The following PSTPIP1 variants were observed in gnomAD, a reference collection of about 807,000 sequenced individuals.
The protein encoded by PSTPIP1 is proline-serine-threonine phosphatase-interacting protein 1.
PSTPIP1 carries 66 observed loss-of-function variants against 69.6 expected under a neutral mutation model. The ratio of observed to expected loss-of-function variants is 0.95; its 90% CI spans 0.78 to 1.16. PSTPIP1 has a LOEUF of 1.16. PSTPIP1 is among the 50% of genes most tolerant of loss of function. The pLI is 0.00. For synonymous variants in PSTPIP1, 266 were observed against 222.7 expected (o/e 1.19, Z -1.73); for missense variants, 603 against 557.4 (o/e 1.08, Z -0.82).
rs140796422 is a variant in PSTPIP1, at chr15:77,005,792, T to C, written c.36+10183T>C. 2.9e-3 allele frequency among the ~76,000 whole-genome samples: 437 copies of C among 152,364 alleles called. 1 individual carries two copies. Among genetic ancestry groups the C allele is most frequent in the Non-Finnish European group, 3.7e-3 (254 of 68,034 alleles). ...TCAGTTAGCATAATGTCTTCAAGGCTCATCCATGTCATAGCATATGTCAGA... is the reference window on the plus strand; with the variant it reads ...TCAGTTAGCATAATGTCTTCAAGGCCCATCCATGTCATAGCATATGTCAGA... On this transcript the variant is annotated intron_variant, in intron 1 of 14. Coordinates refer to ENST00000558012, the MANE Select transcript of PSTPIP1 (RefSeq NM_003978.5).
Position 77,009,921 on chromosome 15 carries a change from C to T in PSTPIP1, c.37-8227C>T, listed in dbSNP as rs1029964167. Among the ~76,000 whole-genome samples, 6 of 152,206 alleles carry T rather than the reference C, an allele frequency of 3.9e-5. No individual in the cohort carries two copies. The South Asian group carries it at 1.2e-3, about 31-fold the overall frequency. On this transcript the variant is annotated intron_variant, in intron 1 of 14. Coordinates refer to ENST00000558012, the MANE Select transcript of PSTPIP1 (RefSeq NM_003978.5). Reference sequence around the variant, plus strand: ...GCCTGGGGACGGGGATGTGCAATGACAGTGCCTGGACCACTGGTGCCCCTG... The same window carrying T: ...GCCTGGGGACGGGGATGTGCAATGATAGTGCCTGGACCACTGGTGCCCCTG...
chr15:77,021,495 A>G (rs978229841), intron 3 of PSTPIP1, among the ~76,000 whole-genome samples: 1 of 152,122 alleles, frequency 6.6e-6, no homozygotes, highest in Admixed American at 6.5e-5. Context: ...CCTGGCCAAC[A>G]TGGTGAAACC....
In PSTPIP1 at chr15:77,031,606, G is replaced by C. The variant is rs568804023; in HGVS notation, c.741+328G>C. 5.8e-4 allele frequency: 166 copies of C among 284,912 alleles called. 1 individual carries two copies. The highest frequency in any genetic ancestry group is 1.7e-3 in the Admixed American group (38 of 21,848). 17.6% of individuals were successfully genotyped at this position (284,912 alleles called of 1,614,324 possible). A position where few individuals can be genotyped will look rare whatever the true frequency, so the allele number is the denominator to read the frequency against. On this transcript the variant is annotated intron_variant, in intron 10 of 14. Coordinates refer to ENST00000558012, the MANE Select transcript of PSTPIP1 (RefSeq NM_003978.5). ...ACACAGCTGTCAGAGGTTGGCAGAA[G>C]CTGGAGGACCGTGGCTGCTCTGCTC...
At chr15:77,026,703 A>G (rs933132702) in intron 5 of PSTPIP1, among the ~76,000 whole-genome samples, 5 of 152,198 alleles carry the variant, frequency 3.3e-5, no homozygotes, top group Admixed American at 3.3e-4. Flanking sequence ...CTGGGCTTTC[A>G]GGATTCTAAA....
chr15:77,028,530 A>G lies in PSTPIP1; in HGVS notation c.418-24A>G. The stretch of plus-strand genomic sequence containing the variant: ...ACAGAACAGGGCTGTGCAGCCCCCA[A>G]GTCACGCCCCTCCACACCCCCAGTC... On this transcript the variant is annotated intron_variant, in intron 6 of 14. Transcript: ENST00000558012. 3.2e-6 allele frequency: 5 copies of G among 1,569,160 alleles called. No homozygotes were observed. In the Admixed American group the frequency reaches 5.6e-5, roughly 17 times the overall value.
In PSTPIP1 at chr15:76,995,183, A is replaced by AG. The variant is rs920051029; in HGVS notation, c.-390dup. On this transcript the variant is annotated 5_prime_UTR_variant, in exon 1 of 15. Coordinates refer to ENST00000558012, the MANE Select transcript of PSTPIP1 (RefSeq NM_003978.5). ...CTGCCTGCCTGCCTGGCCCGGCCCG[A>AG]GCTCCAGCCTGCCTCTTCCACTGGC... 85 of 984,362 alleles carry AG rather than the reference A, an allele frequency of 8.6e-5. No individual in the cohort carries two copies. Among genetic ancestry groups the AG allele is most frequent in the Non-Finnish European group, 1.1e-4 (85 of 767,502 alleles). 61.0% of individuals were successfully genotyped at this position (984,362 alleles called of 1,614,324 possible). A position where few individuals can be genotyped will look rare whatever the true frequency, so the allele number is the denominator to read the frequency against.
chr15:77,003,333 T>C (rs1568484442), intron 1 of PSTPIP1, among the ~76,000 whole-genome samples: 1 of 152,172 alleles, frequency 6.6e-6, no homozygotes, highest in African/African-American at 2.4e-5. Flanking sequence ...GACTCTCCTC[T>C]GGGTTGGCTC....
chr15:77,035,856 C>A lies in PSTPIP1; in HGVS notation c.1040C>A (p.Ala347Asp), dbSNP rs374682350. 6.2e-7 allele frequency: 1 copy of A among 1,610,726 alleles called. No individual in the cohort carries two copies. The change falls in exon 14 of 15, where the codon GCC becomes GAC. Residue 347 changes from alanine to aspartate, a missense_variant. Transcript: ENST00000558012. ...GAGCGGAATGAGGGTGTCTACACAG[C>A]CATCGCAGTGCAGGAGATACAGGGA... The part of the protein sequence containing the change: ...TPERNEGVYT[A>D]IAVQEIQGNP...
upstream of PSTPIP1, chr15:76,995,040 G>A (rs1350550646): frequency 1.3e-4 from 155 of 1,191,584 alleles, 1 homozygote; most frequent in Non-Finnish European, 1.6e-4. Flanking sequence ...CAGGATGGCA[G>A]GTGGCAGGCG....
intron 6 of PSTPIP1, chr15:77,028,274 G>A: frequency 2.0e-6 from 1 of 500,384 alleles, no homozygotes; most frequent in South Asian, 2.5e-5. Flanking sequence ...GGGGCGTGGC[G>A]AGGGGCGTGC....
rs192817830 is a variant in PSTPIP1 at position 77,010,761 on chromosome 15, C to T, written c.37-7387C>T. ...CTCCCAGGTTAAAGTGATTCTCCTG[C>T]CTCACCCTCCGAGTAGCGGGGATTA... On this transcript the variant is annotated intron_variant, in intron 1 of 14. Transcript: ENST00000558012. Among the ~76,000 whole-genome samples, 60 of 152,236 alleles carry T rather than the reference C, an allele frequency of 3.9e-4. No homozygotes were observed. The Middle Eastern group carries it at 0.014, about 35-fold the overall frequency.
At chr15:77,034,029 G>C (rs1177671942) in intron 12 of PSTPIP1, among the ~76,000 whole-genome samples, 1 of 152,112 alleles carries the variant, frequency 6.6e-6, no homozygotes, top group Non-Finnish European at 1.5e-5. Flanking sequence ...AGTGGCCCCA[G>C]AGAGGATTAG....
intron 1 of PSTPIP1, among the ~76,000 whole-genome samples, chr15:77,003,174 G>A (rs888818015): frequency 2.6e-5 from 4 of 152,252 alleles, no homozygotes; most frequent in East Asian, 3.9e-4. Context: ...CAGAGGCTGC[G>A]GGCTGTGAGT....
Position 77,025,856 on chromosome 15 carries a change from C to T in PSTPIP1, c.354+252C>T, listed in dbSNP as rs138332929. ...AGGTCCTTCCTGTCGAGCTGCCTCA[C>T]GCCTAGGAGGATCCTACTACAGCAG... On this transcript the variant is annotated intron_variant, in intron 5 of 14. Coordinates refer to ENST00000558012, the MANE Select transcript of PSTPIP1 (RefSeq NM_003978.5). 5.9e-5 allele frequency among the ~76,000 whole-genome samples: 9 copies of T among 152,288 alleles called. No homozygotes were observed. In the East Asian group the frequency reaches 1.4e-3, roughly 23 times the overall value.
intron 1 of PSTPIP1, chr15:77,007,950 G>T: frequency 2.2e-6 from 1 of 455,870 alleles, no homozygotes; most frequent in Non-Finnish European, 4.4e-6. Context: ...TCCCTTCTTG[G>T]TCACCTCCTG....
In PSTPIP1 at chr15:77,025,494, C is replaced by T; in HGVS notation, c.248-4C>T. Reference sequence around the variant, plus strand: ...GGGGACCAGTATCCATGCTCTGCCCCCAGAAATGGAGAATGTGGGCAGCTC... The same window carrying T: ...GGGGACCAGTATCCATGCTCTGCCCTCAGAAATGGAGAATGTGGGCAGCTC... On this transcript the variant is annotated splice_region_variant and splice_polypyrimidine_tract_variant and intron_variant, in intron 4 of 14. Transcript: ENST00000558012. 6.4e-7 allele frequency: 1 copy of T among 1,563,282 alleles called. No homozygotes were observed. Among genetic ancestry groups the T allele is most frequent in the Non-Finnish European group, 8.7e-7 (1 of 1,153,892 alleles).
At chr15:77,036,757 G>A (rs941001900) in intron 14 of PSTPIP1, among the ~76,000 whole-genome samples, 2 of 152,122 alleles carry the variant, frequency 1.3e-5, no homozygotes, top group Non-Finnish European at 2.9e-5. Flanking sequence ...GGGGTATGAT[G>A]AGCACCCGTG....
rs941790594 is a variant in PSTPIP1, at chr15:77,037,357, C to T, written c.*181C>T. On this transcript the variant is annotated 3_prime_UTR_variant, in exon 15 of 15. Transcript: ENST00000558012. ...CCTTGGTGTGCTGGGGTCCCGTTCT[C>T]TTTTTCTCCTGCTCCAGTGTCCGAG... 1.1e-5 allele frequency: 8 copies of T among 757,740 alleles called. No homozygotes were observed. Among genetic ancestry groups the T allele is most frequent in the South Asian group, 5.8e-5 (3 of 51,706 alleles). 46.9% of individuals were successfully genotyped at this position (757,740 alleles called of 1,614,324 possible).
At chr15:77,028,176 G>C (rs976650173) in intron 6 of PSTPIP1, among the ~76,000 whole-genome samples, 4 of 152,144 alleles carry the variant, frequency 2.6e-5, no homozygotes, top group African/African-American at 9.7e-5. Flanking sequence ...GGACTCCAGG[G>C]GTGGAGGGAG....
Sources: gnomAD v4.1 joint callset for allele counts (sites outside exome capture counted in the v4.1 genomes callset) on GRCh38, gnomAD v4.1.1 for gene constraint, MANE v1.5 for transcripts, NCBI Gene and HGNC (gene_info 2026-07-23, HGNC 2026-07-21) for gene names.